Variants in FBXL17 observed in about 807,000 individuals in gnomAD.
The protein encoded by FBXL17 is F-box and leucine rich repeat protein 17, also known as F-box/LRR-repeat protein 17.
A neutral mutation model predicts 66.2 loss-of-function variants in FBXL17; 22 were observed. That is an observed-to-expected ratio of 0.33 (90% CI 0.24 to 0.47). FBXL17 has a LOEUF of 0.47. Among genes scored for constraint, FBXL17 ranks in the 20% least tolerant of loss-of-function variants. The pLI, the probability that FBXL17 is intolerant of heterozygous loss-of-function variation, is 1.00. For missense variants in FBXL17, 878 were observed against 948.2 expected (o/e 0.93, Z 0.97); for synonymous variants, 474 against 400.5 (o/e 1.18, Z -2.19).
intron 6 of FBXL17, among the ~76,000 whole-genome samples, chr5:108,169,196 T>C (rs1047492544): frequency 2.0e-5 from 3 of 152,164 alleles, no homozygotes; most frequent in African/African-American, 7.2e-5. Context: ...CTCTATAACA[T>C]AATGATGTCT....
At chr5:108,136,163 C>A (rs533225361) in intron 6 of FBXL17, among the ~76,000 whole-genome samples, 2 of 152,106 alleles carry the variant, frequency 1.3e-5, no homozygotes, top group East Asian at 3.9e-4. Context: ...GCAGATAGGT[C>A]AAATCTTTTA....
At chr5:108,122,081 T>C (rs1297423937) in intron 6 of FBXL17, among the ~76,000 whole-genome samples, 2 of 152,160 alleles carry the variant, frequency 1.3e-5, no homozygotes, top group South Asian at 2.1e-4. Context: ...CTCTAAGTTA[T>C]AAACCACATT....
At chr5:108,333,148 G>GTATATATATA (rs145030445) in intron 4 of FBXL17, among the ~76,000 whole-genome samples, 1,533 of 136,508 alleles carry the variant, frequency 0.011, 32 homozygotes, top group African/African-American at 0.041. Context: ...AGAAATACCA[G>GTATATATATA]TATATATATA....
chr5:108,350,288 T>A (rs1747561117), intron 3 of FBXL17, among the ~76,000 whole-genome samples: 1 of 152,166 alleles, frequency 6.6e-6, no homozygotes, highest in Non-Finnish European at 1.5e-5. Flanking sequence ...TTGCCCTTTT[T>A]CCTACAATGG....
intron 4 of FBXL17, among the ~76,000 whole-genome samples, chr5:108,249,290 T>G (rs1371030674): frequency 6.6e-6 from 1 of 152,074 alleles, no homozygotes; most frequent in Non-Finnish European, 1.5e-5. Context: ...ATTTCAGTCT[T>G]TGCTCCTGCT....
At chr5:108,334,558 T>C (rs1250801575) in intron 4 of FBXL17, among the ~76,000 whole-genome samples, 1 of 152,148 alleles carries the variant, frequency 6.6e-6, no homozygotes, top group Non-Finnish European at 1.5e-5. Context: ...TTCTGGTAGG[T>C]AGAGGGTTAG....
At chr5:108,268,412 T>G (rs560652123) in intron 4 of FBXL17, among the ~76,000 whole-genome samples, 1 of 152,168 alleles carries the variant, frequency 6.6e-6, no homozygotes, top group East Asian at 1.9e-4. Flanking sequence ...AATCTGTAAC[T>G]ATGAAACGGC....
At chr5:108,072,240 T>C (rs1429933764) in intron 6 of FBXL17, among the ~76,000 whole-genome samples, 3 of 152,208 alleles carry the variant, frequency 2.0e-5, no homozygotes, top group African/African-American at 4.8e-5. Flanking sequence ...AAGTTTTAGA[T>C]AGTTCAGGTA....
At chr5:108,159,099 G>A (rs2150004752) in intron 6 of FBXL17, among the ~76,000 whole-genome samples, 1 of 152,164 alleles carries the variant, frequency 6.6e-6, no homozygotes, top group South Asian at 2.1e-4. Flanking sequence ...GGGTATCAGA[G>A]AATAAAGATC....
intron 6 of FBXL17, among the ~76,000 whole-genome samples, chr5:108,043,600 C>T (rs1278761421): frequency 6.6e-6 from 1 of 152,202 alleles, no homozygotes; most frequent in Non-Finnish European, 1.5e-5. Flanking sequence ...TAGTGCTCCA[C>T]AAATGCCAGA....
intron 7 of FBXL17, among the ~76,000 whole-genome samples, chr5:107,960,679 G>A (rs1751866921): frequency 6.6e-6 from 1 of 151,980 alleles, no homozygotes; most frequent in Non-Finnish European, 1.5e-5. Context: ...ATTCAAAAAG[G>A]TTTCTGAATA....
chr5:108,052,321 C>T (rs191524021), intron 6 of FBXL17, among the ~76,000 whole-genome samples: 1 of 152,116 alleles, frequency 6.6e-6, no homozygotes, highest in Admixed American at 6.5e-5. Context: ...TCATCTCAGC[C>T]CCAAAACTCC....
intron 7 of FBXL17, among the ~76,000 whole-genome samples, chr5:108,008,368 T>C (rs1475077964): frequency 6.6e-6 from 1 of 152,202 alleles, no homozygotes; most frequent in African/African-American, 2.4e-5. Flanking sequence ...CTTTAGAGGA[T>C]TTCAACCAAT....
At chr5:107,989,581 A>T (rs1007714652) in intron 7 of FBXL17, among the ~76,000 whole-genome samples, 2 of 152,178 alleles carry the variant, frequency 1.3e-5, no homozygotes, top group African/African-American at 4.8e-5. Flanking sequence ...TATTGTGAAT[A>T]GTGCTGCAAT....
At chr5:108,155,437 C>T (rs1028930283) in intron 6 of FBXL17, among the ~76,000 whole-genome samples, 21 of 152,102 alleles carry the variant, frequency 1.4e-4, no homozygotes, top group Non-Finnish European at 2.9e-4. Context: ...ATCACTGGAA[C>T]CCAGGAGGTG....
chr5:108,205,218 T>C (rs1339128901), intron 5 of FBXL17, among the ~76,000 whole-genome samples: 1 of 152,124 alleles, frequency 6.6e-6, no homozygotes, highest in East Asian at 1.9e-4. Context: ...TGGCCCAATA[T>C]TTTCACGATT....
At chr5:108,043,342 T>C (rs1747124416) in intron 6 of FBXL17, among the ~76,000 whole-genome samples, 2 of 152,174 alleles carry the variant, frequency 1.3e-5, no homozygotes, top group African/African-American at 2.4e-5. Context: ...GGTTTCTTTC[T>C]ACAAGTTTTA....
At chr5:108,363,679 C>A (rs1017554275) in intron 3 of FBXL17, among the ~76,000 whole-genome samples, 1 of 151,866 alleles carries the variant, frequency 6.6e-6, no homozygotes, top group Non-Finnish European at 1.5e-5. Flanking sequence ...CGATCTTATT[C>A]TTTTTCACAA....
At chr5:108,273,701 G>GA (rs1444721000) in intron 4 of FBXL17, among the ~76,000 whole-genome samples, 1 of 151,872 alleles carries the variant, frequency 6.6e-6, no homozygotes, top group African/African-American at 2.4e-5. Flanking sequence ...ATCAGAGAAA[G>GA]AAAAAATACC....
Sources: gnomAD v4.1 joint callset for allele counts (sites outside exome capture counted in the v4.1 genomes callset) on GRCh38, gnomAD v4.1.1 for gene constraint, MANE v1.5 for transcripts, NCBI Gene and HGNC (gene_info 2026-07-23, HGNC 2026-07-21) for gene names.